The following CSNK1A1 variants were observed in gnomAD, a reference collection of about 807,000 sequenced individuals.
CSNK1A1 encodes the protein casein kinase I isoform alpha.
Under a neutral mutation model 46.1 loss-of-function variants are expected in CSNK1A1, and 7 were observed. That is an observed-to-expected ratio of 0.15 (90% CI 0.09 to 0.29). The LOEUF is 0.29. CSNK1A1 is among the 10% of genes least tolerant of loss of function. CSNK1A1 has a pLI of 1.00. For missense variants in CSNK1A1, 96 were observed against 417.1 expected (o/e 0.23, Z 6.71); for synonymous variants, 137 against 141.5 (o/e 0.97, Z 0.23).
At chr5:149,536,766 G>A (rs1260604722) in intron 2 of CSNK1A1, among the ~76,000 whole-genome samples, 1 of 152,182 alleles carries the variant, frequency 6.6e-6, no homozygotes, top group Non-Finnish European at 1.5e-5. Flanking sequence ...AAGTCCTTCA[G>A]TGACCAGACC....
chr5:149,508,912 A>AT (rs1163354755), intron 7 of CSNK1A1, among the ~76,000 whole-genome samples: 2 of 152,092 alleles, frequency 1.3e-5, no homozygotes, highest in African/African-American at 2.4e-5. Context: ...TATTTAACTT[A>AT]TTTTTTATTA....
At chr5:149,497,435 T>C in intron 9 of CSNK1A1, 1 of 985,896 alleles carries the variant, frequency 1.0e-6, no homozygotes, top group Non-Finnish European at 1.2e-6. Flanking sequence ...TTGTGACTCA[T>C]TTAAAAATGT....
At chr5:149,498,408 G>A in intron 9 of CSNK1A1, 4 of 985,312 alleles carry the variant, frequency 4.1e-6, no homozygotes, top group Non-Finnish European at 4.8e-6. Context: ...TATTAGCGAG[G>A]TAAACCTTTC....
intron 2 of CSNK1A1, among the ~76,000 whole-genome samples, chr5:149,538,281 C>G (rs1280680451): frequency 6.6e-6 from 1 of 152,062 alleles, no homozygotes; most frequent in Admixed American, 6.6e-5. Flanking sequence ...CTCGGCCACC[C>G]AATGTGCTGG....
At chr5:149,507,191 A>C in intron 7 of CSNK1A1, 58 bp from the exon 8 acceptor site, 1 of 1,328,950 alleles carries the variant, frequency 7.5e-7, no homozygotes, top group South Asian at 1.3e-5. Context: ...TAGAAAAATA[A>C]ATGCATTTAA....
rs1475176680 is a variant in CSNK1A1 at position 149,550,423 on chromosome 5, G to T, written c.124-242C>A. 11 of 1,223,096 alleles carry T rather than the reference G, an allele frequency of 9.0e-6. No individual in the cohort carries two copies. In the East Asian group the frequency reaches 3.4e-4, roughly 38 times the overall value. The allele number at this position is 1,223,096 out of a possible 1,614,324, so 75.8% of individuals were successfully genotyped here. A position where few individuals can be genotyped will look rare whatever the true frequency, so the allele number is the denominator to read the frequency against. On this transcript the variant is annotated intron_variant, in intron 1 of 9. Coordinates refer to ENST00000377843, the MANE Select transcript of CSNK1A1 (RefSeq NM_001892.6). This position sits in a 1 kb window ranked among gnomAD's most constrained non-coding sequence, Gnocchi z 4.3. ...AAAATGATTCATCCAGAAAAAAGAGGCAACCTCTGAACGTAGTGAGAGGTT... is the reference window on the plus strand; with the variant it reads ...AAAATGATTCATCCAGAAAAAAGAGTCAACCTCTGAACGTAGTGAGAGGTT...
At chr5:149,516,826 T>TG (rs1448790425) in intron 4 of CSNK1A1, among the ~76,000 whole-genome samples, 1 of 152,172 alleles carries the variant, frequency 6.6e-6, no homozygotes, top group Non-Finnish European at 1.5e-5. Context: ...AGGTGGTTCC[T>TG]GGAATAAAGC....
At chr5:149,509,845 T>C in intron 7 of CSNK1A1, 34 bp downstream of exon 7, 1 of 1,536,238 alleles carries the variant, frequency 6.5e-7, no homozygotes, top group Non-Finnish European at 8.9e-7. Context: ...CTGGCTTCAT[T>C]TATATTTTTT....
At chr5:149,547,287 T>G (rs1418451019) in intron 2 of CSNK1A1, among the ~76,000 whole-genome samples, 1 of 152,210 alleles carries the variant, frequency 6.6e-6, no homozygotes, top group Non-Finnish European at 1.5e-5. Context: ...CACCTTATAA[T>G]AGGCACCTAT....
intron 2 of CSNK1A1, among the ~76,000 whole-genome samples, chr5:149,529,431 G>T (rs1212235503): frequency 6.6e-6 from 1 of 152,178 alleles, no homozygotes; most frequent in Admixed American, 6.5e-5. Context: ...AAGCACAAAT[G>T]TAAGACAATA....
chr5:149,512,927 C>T (rs1479608093), intron 5 of CSNK1A1, 143 bp downstream of exon 5: 2 of 967,790 alleles, frequency 2.1e-6, no homozygotes, highest in African/African-American at 3.3e-5. Flanking sequence ...CTGGTTAAAG[C>T]AGCAGGTAAA....
At chr5:149,545,850 T>C (rs1762463592) in intron 2 of CSNK1A1, 2 of 356,896 alleles carry the variant, frequency 5.6e-6, no homozygotes, top group Non-Finnish European at 1.0e-5. Flanking sequence ...GGAAGCTTCA[T>C]TTCTTAAAAT....
chr5:149,514,447 T>C (rs865905639), intron 4 of CSNK1A1, among the ~76,000 whole-genome samples: 1 of 152,236 alleles, frequency 6.6e-6, no homozygotes, highest in Non-Finnish European at 1.5e-5. Flanking sequence ...CCTATTATGC[T>C]ATATTTTAAT....
rs1762337091 is a variant in CSNK1A1 at position 149,542,686 on chromosome 5, ATATATAT to A, written c.230+7382_230+7388del. On this transcript the variant is annotated intron_variant, in intron 2 of 9. Transcript: ENST00000377843. ...TATATATATATGTATATATATATAT[ATATATAT>A]TTTTTTTTTTTTTTTTTTTTGAGAC... 2.6e-4 allele frequency among the ~76,000 whole-genome samples: 5 copies of A among 18,936 alleles called. 1 individual carries two copies. Among genetic ancestry groups the A allele is most frequent in the African/African-American group, 9.0e-4 (4 of 4,456 alleles). The allele number at this position is 18,936 out of a possible 152,430, so 12.4% of individuals were successfully genotyped here.
rs1029446574 is a variant in CSNK1A1, at chr5:149,549,577, G to A, written c.230+498C>T. The A allele has an allele frequency of 6.1e-5, 42 of 684,450 alleles. No homozygotes were observed. The African/African-American group carries it at 6.7e-4, about 11-fold the overall frequency. 42.4% of individuals were successfully genotyped at this position (684,450 alleles called of 1,614,324 possible). On this transcript the variant is annotated intron_variant, in intron 2 of 9. Coordinates refer to ENST00000377843, the MANE Select transcript of CSNK1A1 (RefSeq NM_001892.6). ...AGCTGAGAAAAGGGCAGGAATATGG[G>A]GTTGAGTCACGTCGTTCCGCCATTT...
intron 2 of CSNK1A1, among the ~76,000 whole-genome samples, chr5:149,535,353 G>C (rs2113157263): frequency 6.6e-6 from 1 of 152,186 alleles, no homozygotes; most frequent in Non-Finnish European, 1.5e-5. Flanking sequence ...TGTATTTGCT[G>C]CTAACTTTAC....
At chr5:149,508,197 A>G (rs967212395) in intron 7 of CSNK1A1, among the ~76,000 whole-genome samples, 1 of 152,218 alleles carries the variant, frequency 6.6e-6, no homozygotes, top group African/African-American at 2.4e-5. Flanking sequence ...GTTAGGAAGG[A>G]TAGAATGGAA....
At chr5:149,500,386 C>T (rs1365120862) in intron 9 of CSNK1A1, among the ~76,000 whole-genome samples, 1 of 152,078 alleles carries the variant, frequency 6.6e-6, no homozygotes, top group Non-Finnish European at 1.5e-5. Flanking sequence ...ATCCGCCCGC[C>T]TCGGCCTCCC....
chr5:149,521,906 C>G (rs1009997050), intron 3 of CSNK1A1, among the ~76,000 whole-genome samples: 3 of 152,234 alleles, frequency 2.0e-5, no homozygotes, highest in Non-Finnish European at 4.4e-5. Flanking sequence ...CTGCGCCTGG[C>G]CCTTCTATGA....
Sources: allele counts gnomAD v4.1 joint callset (sites outside exome capture counted in the v4.1 genomes callset), GRCh38; gene constraint gnomAD v4.1.1; non-coding constraint Gnocchi (gnomAD v3.1); transcripts MANE v1.5; gene names NCBI Gene and HGNC (gene_info 2026-07-23, HGNC 2026-07-21).